MTUS2: variants seen among roughly 807,000 people sequenced by gnomAD.
MTUS2 encodes microtubule-associated tumor suppressor candidate 2.
A neutral mutation model predicts 114.1 loss-of-function variants in MTUS2; 40 were observed. That is an observed-to-expected ratio of 0.35 (90% CI 0.27 to 0.46). The LOEUF is 0.46. Among genes scored for constraint, MTUS2 ranks in the 20% least tolerant of loss-of-function variants. The pLI is 1.00. For synonymous variants in MTUS2, 688 were observed against 672.0 expected (o/e 1.02, Z -0.37); for missense variants, 1,679 against 1,705.4 (o/e 0.98, Z 0.27).
intron 4 of MTUS2, among the ~76,000 whole-genome samples, chr13:29,084,055 AT>A (rs1450334184): frequency 6.6e-6 from 1 of 152,156 alleles, no homozygotes; most frequent in Admixed American, 6.5e-5. Flanking sequence ...ATTATAGATT[AT>A]AATTATAGGG....
In MTUS2 at chr13:29,264,920, C is replaced by T. The variant is rs113670320; in HGVS notation, c.2645-16784C>T. On this transcript the variant is annotated intron_variant, in intron 5 of 15. Transcript: ENST00000612955. Reference sequence around the variant, plus strand: ...CATTGCCTTGGATATTAGCACTTGACTCCCTTTTATTTATACAGATATTTC... The same window carrying T: ...CATTGCCTTGGATATTAGCACTTGATTCCCTTTTATTTATACAGATATTTC... Among the ~76,000 whole-genome samples, 295 of 152,354 alleles carry T rather than the reference C, an allele frequency of 1.9e-3. 2 individuals carry two copies. The highest frequency in any genetic ancestry group is 6.7e-3 in the African/African-American group (278 of 41,584).
At chr13:29,099,412 C>T (rs1037005766) in intron 4 of MTUS2, among the ~76,000 whole-genome samples, 11 of 152,132 alleles carry the variant, frequency 7.2e-5, no homozygotes, top group African/African-American at 2.7e-4. Flanking sequence ...ACTGGACACA[C>T]GGCTCTCCAT....
chr13:28,962,302 C>A (rs544285011), intron 2 of MTUS2, among the ~76,000 whole-genome samples: 1 of 151,968 alleles, frequency 6.6e-6, no homozygotes, highest in East Asian at 1.9e-4. Flanking sequence ...CTCCCCTCTC[C>A]CACACTGTTC....
chr13:29,325,266 G>A (rs931215127), intron 7 of MTUS2, among the ~76,000 whole-genome samples: 1 of 152,130 alleles, frequency 6.6e-6, no homozygotes, highest in Non-Finnish European at 1.5e-5. Context: ...GACCAGCCTA[G>A]CCAATATAGC....
rs140105890 is a variant in MTUS2, at chr13:29,450,256, G to A, written c.3184+10207G>A. On this transcript the variant is annotated intron_variant, in intron 9 of 15. Coordinates refer to ENST00000612955, the MANE Select transcript of MTUS2 (RefSeq NM_001033602.4). ...GCTGGAGAAATGTGCTTTTTTTCTC[G>A]TTGGTGACCTTGCCCAGATATTATT... Among the ~76,000 whole-genome samples the A allele has an allele frequency of 9.6e-3, 1,459 of 152,166 alleles. 20 individuals carry two copies. Among genetic ancestry groups the A allele is most frequent in the African/African-American group, 0.033 (1,356 of 41,498 alleles).
intron 5 of MTUS2, among the ~76,000 whole-genome samples, chr13:29,169,016 A>G (rs1450366826): frequency 1.3e-5 from 2 of 152,064 alleles, no homozygotes; most frequent in East Asian, 3.9e-4. Flanking sequence ...GTGACCACCA[A>G]TGAGATGACT....
At chr13:29,165,695 T>A (rs747511480) in intron 5 of MTUS2, among the ~76,000 whole-genome samples, 2 of 152,258 alleles carry the variant, frequency 1.3e-5, no homozygotes, top group Non-Finnish European at 2.9e-5. Flanking sequence ...CTGTATTTAT[T>A]TGGCTATCAT....
chr13:29,424,650 C>A (rs1050111244), intron 8 of MTUS2, among the ~76,000 whole-genome samples: 1 of 152,158 alleles, frequency 6.6e-6, no homozygotes. Flanking sequence ...ACAGCATCAC[C>A]TCTGAGATGT....
chr13:29,138,513 A>G (rs951869142), intron 5 of MTUS2, among the ~76,000 whole-genome samples: 1 of 148,932 alleles, frequency 6.7e-6, no homozygotes, highest in South Asian at 2.1e-4. Context: ...TTTGAGTTAT[A>G]TAAATATAAA....
At chr13:28,826,920 C>G (rs1333160098) in intron 1 of MTUS2, among the ~76,000 whole-genome samples, 1 of 152,208 alleles carries the variant, frequency 6.6e-6, no homozygotes, top group Non-Finnish European at 1.5e-5. Flanking sequence ...AACACTAGCT[C>G]TGTAAATACG....
chr13:29,494,449 A>G (rs999439664), intron 12 of MTUS2, among the ~76,000 whole-genome samples: 2 of 152,060 alleles, frequency 1.3e-5, no homozygotes, highest in African/African-American at 4.8e-5. Context: ...GATCCATCCT[A>G]TGTTGTAATT....
intron 2 of MTUS2, among the ~76,000 whole-genome samples, chr13:29,022,835 G>A (rs1015905701): frequency 6.6e-6 from 1 of 152,196 alleles, no homozygotes; most frequent in African/African-American, 2.4e-5. Context: ...AGCATATCCT[G>A]TGTAGATTTT....
At chr13:28,829,456 C>T (rs538377180) in intron 1 of MTUS2, among the ~76,000 whole-genome samples, 5 of 152,078 alleles carry the variant, frequency 3.3e-5, no homozygotes, top group South Asian at 2.1e-4. Flanking sequence ...CGCTTGAACC[C>T]GGGAGGTGGA....
chr13:28,911,065 CG>C (rs1880393963), intron 2 of MTUS2, among the ~76,000 whole-genome samples: 1 of 150,228 alleles, frequency 6.7e-6, no homozygotes, highest in Non-Finnish European at 1.5e-5. Context: ...TTAGTAGAGA[CG>C]GGGTTTCACC....
At chr13:29,258,567 C>T (rs1283385460) in intron 5 of MTUS2, among the ~76,000 whole-genome samples, 1 of 152,188 alleles carries the variant, frequency 6.6e-6, no homozygotes, top group African/African-American at 2.4e-5. Context: ...AGCATACAAC[C>T]TACAACACGT....
intron 5 of MTUS2, among the ~76,000 whole-genome samples, chr13:29,268,666 T>G (rs530450502): frequency 1.3e-5 from 2 of 152,052 alleles, no homozygotes; most frequent in African/African-American, 4.8e-5. Flanking sequence ...CTCTGCTTTG[T>G]TTTTTTTCAT....
intron 8 of MTUS2, among the ~76,000 whole-genome samples, chr13:29,405,509 G>T (rs909558219): frequency 6.6e-6 from 1 of 152,114 alleles, no homozygotes; most frequent in Non-Finnish European, 1.5e-5. Flanking sequence ...GTCAGCTTCT[G>T]AAGTTCTATA....
intron 5 of MTUS2, among the ~76,000 whole-genome samples, chr13:29,232,470 G>T (rs4769702): frequency 4.0e-5 from 6 of 151,758 alleles, no homozygotes; most frequent in African/African-American, 7.3e-5. Flanking sequence ...ATAGCCATTG[G>T]GGGGGAAGAG....
intron 7 of MTUS2, among the ~76,000 whole-genome samples, chr13:29,339,301 G>T (rs1324357137): frequency 6.6e-6 from 1 of 152,142 alleles, no homozygotes; most frequent in African/African-American, 2.4e-5. Flanking sequence ...GGCTTCTTCT[G>T]AGCGGCCCAG....
Sources: allele counts gnomAD v4.1 joint callset (sites outside exome capture counted in the v4.1 genomes callset), GRCh38; gene constraint gnomAD v4.1.1; transcripts MANE v1.5; gene names NCBI Gene and HGNC (gene_info 2026-07-23, HGNC 2026-07-21).